DHX29: variants seen among roughly 807,000 people sequenced by gnomAD.
DHX29 encodes DExH-box helicase 29, also known as ATP-dependent RNA helicase DHX29.
Under a neutral mutation model 167.9 loss-of-function variants are expected in DHX29, and 79 were observed. The ratio of observed to expected loss-of-function variants is 0.47; its 90% confidence interval spans 0.39 to 0.57. DHX29 has a LOEUF of 0.57. DHX29 is among the 20% of genes least tolerant of loss of function. DHX29 has a pLI of 0.00. For synonymous variants in DHX29, 530 were observed against 546.0 expected, an observed-to-expected ratio of 0.97 and a Z score of 0.41; for missense variants, 1,347 against 1,593.4, an observed-to-expected ratio of 0.85 and a Z score of 2.63.
At chr5:55,280,024 G>A (rs757648921) in intron 12 of DHX29, among the ~76,000 whole-genome samples, 1 of 152,144 alleles carries the variant, frequency 6.6e-6, no homozygotes, top group Non-Finnish European at 1.5e-5. Context: ...TTCACACACT[G>A]ACTACAAACT....
At position 55,307,616 on chromosome 5, in the gene DHX29, C is replaced by T. The variant is rs1349232547; in HGVS notation, c.-43G>A. On this transcript the variant is annotated 5_prime_UTR_variant, in exon 1 of 27. Transcript: ENST00000251636. ...AGATCCTTCGCGGCCCAGGCCCCGACGGTACCACTGCACAGCCGAGAGCTC... is the reference window on the plus strand; with the variant it reads ...AGATCCTTCGCGGCCCAGGCCCCGATGGTACCACTGCACAGCCGAGAGCTC... 1.2e-6 allele frequency: 2 copies of T among 1,606,574 alleles called. No homozygotes were observed. The highest frequency in any genetic ancestry group is 8.5e-7 in the Non-Finnish European group (1 of 1,177,406).
chr5:55,295,443 T>C lies in DHX29; in HGVS notation c.587A>G (p.Gln196Arg), dbSNP rs761144180. 3 of 1,613,686 alleles carry C rather than the reference T, an allele frequency of 1.9e-6. No individual in the cohort carries two copies. Among genetic ancestry groups the C allele is most frequent in the Non-Finnish European group, 2.5e-6 (3 of 1,179,738 alleles). The change falls in exon 5 of 27, where the codon CAA becomes CGA. Residue 196 changes from glutamine to arginine, a missense_variant. Around this residue, in one of 3 missense-constraint regions of DHX29, gnomAD observed 405 missense variants for 416.8 expected, o/e 0.97. Transcript: ENST00000251636. Reference sequence around the variant, plus strand: ...TTGCAATGGAGGTGAAATAGTGGCTTGTATTTGAGGAGACTGAAATTTAGG... The same window carrying C: ...TTGCAATGGAGGTGAAATAGTGGCTCGTATTTGAGGAGACTGAAATTTAGG... ...SRPKFQSPQIQATISPPLQPK... is the reference protein window; with the variant it reads ...SRPKFQSPQIRATISPPLQPK...
chr5:55,307,640 T>G lies in DHX29; in HGVS notation c.-67A>C, dbSNP rs946578411. 2 of 1,568,492 alleles carry G rather than the reference T, an allele frequency of 1.3e-6. No homozygotes were observed. The highest frequency in any genetic ancestry group is 1.1e-5 in the South Asian group (1 of 88,278). ...ACGGTACCACTGCACAGCCGAGAGC[T>G]CTTCACATTCCCCGGCTCCGGGGCT... On this transcript the variant is annotated 5_prime_UTR_variant, in exon 1 of 27. Coordinates refer to ENST00000251636, the MANE Select transcript of DHX29 (RefSeq NM_019030.4).
intron 4 of DHX29, among the ~76,000 whole-genome samples, 192 bp downstream of exon 4, chr5:55,296,028 A>G (rs75711511): frequency 6.6e-6 from 1 of 152,256 alleles, no homozygotes; most frequent in East Asian, 1.9e-4. Flanking sequence ...AACTGAACAC[A>G]AAACATAATA....
chr5:55,274,543 C>G, intron 16 of DHX29, 71 bp downstream of exon 16: 1 of 1,151,178 alleles, frequency 8.7e-7, no homozygotes, highest in Admixed American at 2.6e-5. Context: ...AAACTCTGAT[C>G]AAGGGTTTTA....
rs755056657 is a variant in DHX29 at position 55,259,955 on chromosome 5, G to C, written c.3961-11C>G. 19 of 1,551,020 alleles carry C rather than the reference G, an allele frequency of 1.2e-5. No homozygotes were observed. Among genetic ancestry groups the C allele is most frequent in the Middle Eastern group, 1.7e-4 (1 of 5,924 alleles). On this transcript the variant is annotated splice_polypyrimidine_tract_variant and intron_variant, in intron 25 of 26. Transcript: ENST00000251636. ...TATCTTTACAGGGGCCTGTTAAGAG[G>C]AGTTGAAAAAATGGACAAAGTCAAT...
At position 55,279,704 on chromosome 5, in the gene DHX29, TTTTTG is replaced by T. The variant is rs1161018613; in HGVS notation, c.2109+1663_2109+1667del. ...ATTAAACCTAGCTAATGTGTGGGGT[TTTTTG>T]TTTTGTTTTGTTTTGTTTTGCTGTT... is the stretch of plus-strand genomic sequence containing the variant. On this transcript the variant is annotated intron_variant, in intron 12 of 26. Transcript: ENST00000251636. The T allele has an allele frequency of 9.8e-4, 153 of 156,662 alleles. No homozygotes were observed. In the East Asian group the frequency reaches 0.015, roughly 16 times the overall value. The allele number at this position is 156,662 out of a possible 1,614,324, so 9.7% of individuals were successfully genotyped here. A position where few individuals can be genotyped will look rare whatever the true frequency, so the allele number is the denominator to read the frequency against.
At chr5:55,259,582 G>A (rs1450880392) in intron 26 of DHX29, among the ~76,000 whole-genome samples, 16 of 152,036 alleles carry the variant, frequency 1.1e-4, no homozygotes, top group African/African-American at 4.8e-5. Flanking sequence ...TCAGACTCCC[G>A]AGTAGCTGGG....
chr5:55,272,085 ACTTAT>A lies in DHX29; in HGVS notation c.2861_2864+1del. ...GTTTTGATTTGGGAAATTTAAACTT[ACTTAT>A]TTTCTTTTGTTCTTCCAGTATCAAT... On this transcript the variant is annotated splice_donor_variant and coding_sequence_variant, in exon 18 of 27. Transcript: ENST00000251636. LOFTEE classifies it high-confidence loss of function. 6.5e-7 allele frequency: 1 copy of A among 1,533,706 alleles called. No individual in the cohort carries two copies. Among genetic ancestry groups the A allele is most frequent in the Non-Finnish European group, 8.9e-7 (1 of 1,122,004 alleles).
At chr5:55,266,454 C>T (rs1372474032) in intron 23 of DHX29, among the ~76,000 whole-genome samples, 1 of 150,572 alleles carries the variant, frequency 6.6e-6, no homozygotes, top group African/African-American at 2.4e-5. Flanking sequence ...GGATTACAGG[C>T]ATGCGCCACC....
chr5:55,306,076 C>T (rs1234079183), intron 1 of DHX29, among the ~76,000 whole-genome samples: 1 of 152,176 alleles, frequency 6.6e-6, no homozygotes, highest in Non-Finnish European at 1.5e-5. Flanking sequence ...GGCTGATCCA[C>T]AGAATAAAAC....
At chr5:55,265,741 T>G (rs1746528005) in intron 23 of DHX29, among the ~76,000 whole-genome samples, 1 of 151,868 alleles carries the variant, frequency 6.6e-6, no homozygotes, top group Admixed American at 6.6e-5. Context: ...TTGATGGTAT[T>G]AAGGAATTGA....
intron 12 of DHX29, among the ~76,000 whole-genome samples, chr5:55,279,951 G>C (rs1285364869): frequency 6.6e-6 from 1 of 151,940 alleles, no homozygotes; most frequent in East Asian, 1.9e-4. Flanking sequence ...AAGTATACTT[G>C]GTATAGATGG....
chr5:55,295,180 A>C (rs912712400), intron 5 of DHX29, 199 bp downstream of exon 5: 1 of 523,474 alleles, frequency 1.9e-6, no homozygotes, highest in African/African-American at 1.9e-5. Context: ...CATGAGAAAT[A>C]ATAGTTGGTT....
intron 24 of DHX29, 147 bp downstream of exon 24, chr5:55,262,483 C>T: frequency 1.0e-6 from 1 of 984,770 alleles, no homozygotes; most frequent in South Asian, 1.7e-5. Flanking sequence ...GTTTGAGAAG[C>T]TATGTGCATC....
chr5:55,293,302 G>C (rs781181513), intron 6 of DHX29, among the ~76,000 whole-genome samples: 5 of 152,186 alleles, frequency 3.3e-5, no homozygotes, highest in Non-Finnish European at 5.9e-5. Flanking sequence ...AAATAAAATT[G>C]TTGGGTCACA....
chr5:55,290,113 G>C, intron 7 of DHX29, 105 bp downstream of exon 7: 1 of 1,347,888 alleles, frequency 7.4e-7, no homozygotes, highest in Non-Finnish European at 1.0e-6. Flanking sequence ...TGTATAAACT[G>C]TTAGAAAAGG....
At chr5:55,276,191 T>C in intron 14 of DHX29, 75 bp downstream of exon 14, 3 of 1,284,980 alleles carry the variant, frequency 2.3e-6, no homozygotes, top group Non-Finnish European at 3.2e-6. Context: ...GTTAACCACA[T>C]GATTTTGAAA....
At chr5:55,304,257 C>T (rs1748746899) in intron 1 of DHX29, among the ~76,000 whole-genome samples, 1 of 151,908 alleles carries the variant, frequency 6.6e-6, no homozygotes, top group Admixed American at 6.6e-5. Context: ...GACTCTTTAC[C>T]CAGTCATCTG....
Sources: gnomAD v4.1 joint callset for allele counts (sites outside exome capture counted in the v4.1 genomes callset) on GRCh38, gnomAD v4.1.1 for gene constraint, gnomAD v4.1.1 regional missense constraint, MANE v1.5 for transcripts, NCBI Gene and HGNC (gene_info 2026-07-23, HGNC 2026-07-21) for gene names.